Variants in CCDC73 observed in about 807,000 individuals in gnomAD.
The protein encoded by CCDC73 is coiled-coil domain containing 73, also known as coiled-coil domain-containing protein 73.
CCDC73 carries 95 observed loss-of-function variants against 116.5 expected under a neutral mutation model. The observed-to-expected ratio is 0.82, with a 90% CI of 0.69 to 0.97. The LOEUF is 0.97. Among genes scored for constraint, CCDC73 ranks in the 50% least tolerant of loss-of-function variants. CCDC73 has a pLI of 0.00. For missense variants in CCDC73, 1,066 were observed against 1,206.8 expected, an observed-to-expected ratio of 0.88 and a Z score of 1.73; for synonymous variants, 398 against 401.3, an observed-to-expected ratio of 0.99 and a Z score of 0.10.
intron 13 of CCDC73, 27 bp from the exon 14 acceptor site, chr11:32,635,857 A>G (rs755022001): frequency 2.8e-6 from 3 of 1,070,088 alleles, no homozygotes; most frequent in Non-Finnish European, 3.6e-6. Context: ...ACCAGAATAA[A>G]CAAGTATATC....
chr11:32,698,063 C>T (rs953128939), intron 6 of CCDC73, among the ~76,000 whole-genome samples: 23 of 134,224 alleles, frequency 1.7e-4, no homozygotes, highest in African/African-American at 5.5e-4. Flanking sequence ...CTCACTCTGT[C>T]GCCCAGGCTG....
At chr11:32,761,777 G>A (rs1453726915) in intron 1 of CCDC73, among the ~76,000 whole-genome samples, 1 of 152,004 alleles carries the variant, frequency 6.6e-6, no homozygotes, top group Non-Finnish European at 1.5e-5. Context: ...ACACACACAC[G>A]CAGAGAGAGA....
rs1204602307 is a variant in CCDC73 at position 32,676,049 on chromosome 11, A to G, written c.430-28T>C. On this transcript the variant is annotated intron_variant, in intron 7 of 17. Coordinates refer to ENST00000335185, the MANE Select transcript of CCDC73 (RefSeq NM_001008391.4). Reference sequence around the variant, plus strand: ...ATTTTGAAGAGTAATTTTAAATGTTATACATATAACACACACACATCGCCA... The same window carrying G: ...ATTTTGAAGAGTAATTTTAAATGTTGTACATATAACACACACACATCGCCA... 5 of 1,560,360 alleles carry G rather than the reference A, an allele frequency of 3.2e-6. No homozygotes were observed. In the Admixed American group the frequency reaches 7.9e-5, roughly 25 times the overall value.
intron 2 of CCDC73, among the ~76,000 whole-genome samples, chr11:32,734,050 GA>G (rs1565088014): frequency 6.6e-6 from 1 of 152,118 alleles, no homozygotes; most frequent in African/African-American, 2.4e-5. Flanking sequence ...AAAAAGGAGA[GA>G]AGAATCAAAT....
chr11:32,758,512 T>C (rs1020728622), intron 2 of CCDC73: 2 of 459,646 alleles, frequency 4.4e-6, no homozygotes, highest in South Asian at 1.7e-5. Flanking sequence ...GTTCCATGTA[T>C]GCTAATTGTG....
chr11:32,694,718 C>A (rs1856292839), intron 6 of CCDC73, among the ~76,000 whole-genome samples: 1 of 152,068 alleles, frequency 6.6e-6, no homozygotes, highest in Non-Finnish European at 1.5e-5. Flanking sequence ...TGAACAAATT[C>A]TCTTACTGAC....
At chr11:32,611,435 C>A (rs946913842) in intron 16 of CCDC73, among the ~76,000 whole-genome samples, 170 bp from the exon 17 acceptor site, 2 of 152,150 alleles carry the variant, frequency 1.3e-5, no homozygotes, top group Non-Finnish European at 2.9e-5. Flanking sequence ...TTAGGCATTT[C>A]ATTTCTGAAA....
chr11:32,643,922 C>T (rs1855754631), intron 12 of CCDC73, among the ~76,000 whole-genome samples: 1 of 152,042 alleles, frequency 6.6e-6, no homozygotes, highest in African/African-American at 2.4e-5. Context: ...GCTTAAAACA[C>T]ACAGATTGTA....
chr11:32,692,490 A>G (rs896947524), intron 6 of CCDC73, among the ~76,000 whole-genome samples: 1 of 152,068 alleles, frequency 6.6e-6, no homozygotes, highest in Non-Finnish European at 1.5e-5. Flanking sequence ...TGGTTCTATA[A>G]GAGGAATTAA....
rs149869512 is a variant in CCDC73 at position 32,620,134 on chromosome 11, T to C, written c.1186-4005A>G. Among the ~76,000 whole-genome samples the C allele has an allele frequency of 2.6e-5, 4 of 152,224 alleles. No individual in the cohort carries two copies. In the East Asian group the frequency reaches 5.8e-4, roughly 22 times the overall value. ...TGATGGTTCTGACTCAGCATCTCTT[T>C]TGAGGTTCCAATCAAGCTATCATCT... On this transcript the variant is annotated intron_variant, in intron 14 of 17. Transcript: ENST00000335185.
chr11:32,688,823 A>T (rs1856228319), intron 6 of CCDC73, among the ~76,000 whole-genome samples: 1 of 152,064 alleles, frequency 6.6e-6, no homozygotes, highest in African/African-American at 2.4e-5. Context: ...TAGCATCAAT[A>T]AAAAAAAGTT....
At chr11:32,803,083 G>A in the CCDC73 span, among the ~76,000 whole-genome samples, 17 of 148,134 alleles carry the variant, frequency 1.1e-4, no homozygotes, top group Middle Eastern at 0.017. Context: ...CATAAGGTTT[G>A]TTTGTTTGTG....
At chr11:32,658,252 C>T (rs959236478) in intron 9 of CCDC73, among the ~76,000 whole-genome samples, 1 of 152,084 alleles carries the variant, frequency 6.6e-6, no homozygotes. Flanking sequence ...CTTTCATTTA[C>T]GTAGTTCATT....
intron 3 of CCDC73, among the ~76,000 whole-genome samples, chr11:32,713,879 C>A (rs1299317619): frequency 3.3e-5 from 5 of 151,970 alleles, no homozygotes; most frequent in African/African-American, 1.2e-4. Context: ...CCTTGTAAAT[C>A]CAAGCCTTAG....
intron 1 of CCDC73, among the ~76,000 whole-genome samples, chr11:32,793,633 C>T (rs1850696047): frequency 6.6e-6 from 1 of 151,486 alleles, no homozygotes; most frequent in Admixed American, 6.6e-5. Flanking sequence ...TTTTTTTAGA[C>T]AGAGTCTCGC....
At chr11:32,620,178 G>C (rs1855511036) in intron 14 of CCDC73, among the ~76,000 whole-genome samples, 1 of 152,140 alleles carries the variant, frequency 6.6e-6, no homozygotes, top group South Asian at 2.1e-4. Context: ...ATCATGTGAA[G>C]CCTTAATTGT....
At chr11:32,736,293 A>T (rs1421587857) in intron 2 of CCDC73, among the ~76,000 whole-genome samples, 4 of 152,092 alleles carry the variant, frequency 2.6e-5, no homozygotes, top group Non-Finnish European at 4.4e-5. Flanking sequence ...GAATCTACAA[A>T]GAACTCAAAC....
At chr11:32,699,736 G>T (rs919432208) in intron 5 of CCDC73, among the ~76,000 whole-genome samples, 13 of 152,124 alleles carry the variant, frequency 8.5e-5, no homozygotes, top group African/African-American at 2.4e-4. Flanking sequence ...GTTGTGGGGT[G>T]GGGGGAGCGG....
intron 7 of CCDC73, among the ~76,000 whole-genome samples, chr11:32,676,252 C>T (rs913057435): frequency 1.9e-4 from 29 of 152,252 alleles, no homozygotes; most frequent in African/African-American, 6.5e-4. Context: ...GCAAAATAGT[C>T]ACTTCAGGTT....
Sources: allele counts gnomAD v4.1 joint callset (sites outside exome capture counted in the v4.1 genomes callset), GRCh38; gene constraint gnomAD v4.1.1; transcripts MANE v1.5; gene names NCBI Gene and HGNC (gene_info 2026-07-23, HGNC 2026-07-21).